Variants in PATJ observed in about 807,000 individuals in gnomAD.
PATJ encodes PATJ crumbs cell polarity complex component.
In PATJ, 190 loss-of-function variants were observed where a neutral mutation model predicts 224.9. The observed-to-expected ratio is 0.84, with a 90% CI of 0.75 to 0.95. The LOEUF is 0.95. Among genes scored for constraint, PATJ ranks in the 40% least tolerant of loss-of-function variants. PATJ has a pLI of 0.00. For synonymous variants in PATJ, 769 were observed against 820.3 expected, an observed-to-expected ratio of 0.94 and a Z score of 1.07; for missense variants, 2,121 against 2,270.3, an observed-to-expected ratio of 0.93 and a Z score of 1.34.
At chr1:61,945,269 G>A (rs1678496743) in intron 27 of PATJ, among the ~76,000 whole-genome samples, 1 of 152,116 alleles carries the variant, frequency 6.6e-6, no homozygotes, top group Admixed American at 6.5e-5. Flanking sequence ...CCAATTAAAA[G>A]ACACAGACTA....
intron 26 of PATJ, among the ~76,000 whole-genome samples, chr1:61,923,763 CAA>C (rs56041106): frequency 1.3e-5 from 2 of 150,964 alleles, no homozygotes; most frequent in African/African-American, 4.9e-5. Flanking sequence ...ACTAAAAATA[CAA>C]AAAAAAATTA....
chr1:61,950,443 T>C (rs1679477005), intron 27 of PATJ, among the ~76,000 whole-genome samples: 1 of 152,302 alleles, frequency 6.6e-6, no homozygotes, highest in South Asian at 2.1e-4. Context: ...CCAGTGCCTT[T>C]CTCTGTGTGC....
chr1:61,823,113 G>GA, intron 15 of PATJ, 34 bp downstream of exon 15: 1 of 1,611,174 alleles, frequency 6.2e-7, no homozygotes, highest in Non-Finnish European at 8.5e-7. Context: ...ACACAGGCAA[G>GA]AATCTGTAAG....
chr1:62,116,616 C>G lies in PATJ; in HGVS notation c.4740C>G (p.Ile1580Met). The G allele has an allele frequency of 6.2e-7, 1 of 1,614,020 alleles. No individual in the cohort carries two copies. Among genetic ancestry groups the G allele is most frequent in the Non-Finnish European group, 8.5e-7 (1 of 1,179,986 alleles). The change falls in exon 36 of 44, where the codon ATC (isoleucine) becomes ATG (methionine). Residue 1580 changes from isoleucine to methionine, a missense_variant. Coordinates refer to ENST00000642238, the MANE Select transcript of PATJ (RefSeq NM_001350145.3). ...LDGRLIQGDQILSVNGEDMRN... is the reference protein window; with the variant it reads ...LDGRLIQGDQMLSVNGEDMRN... ...GGAGATTGATTCAGGGAGATCAGAT[C>G]TTATCTGTGAATGGGGAGGACATGA...
intron 9 of PATJ, among the ~76,000 whole-genome samples, chr1:61,791,725 A>G (rs1213763587): frequency 3.3e-5 from 5 of 152,178 alleles, no homozygotes; most frequent in Admixed American, 2.6e-4. Context: ...TAGCTATATT[A>G]TGAACATTGT....
intron 27 of PATJ, among the ~76,000 whole-genome samples, chr1:61,957,513 T>A (rs1414700180): frequency 1.3e-5 from 2 of 152,246 alleles, no homozygotes; most frequent in Non-Finnish European, 2.9e-5. Flanking sequence ...TGTGTTCACT[T>A]CTTCAGTGGT....
At chr1:61,915,060 A>C (rs1673261465) in intron 26 of PATJ, among the ~76,000 whole-genome samples, 2 of 152,246 alleles carry the variant, frequency 1.3e-5, no homozygotes, top group African/African-American at 2.4e-5. Context: ...ATCAAAGGTC[A>C]TCTCTCCTGA....
Position 61,851,875 on chromosome 1 carries a change from G to A in PATJ, c.2113-4155G>A, listed in dbSNP as rs184764785. Among the ~76,000 whole-genome samples, 7 of 152,174 alleles carry A rather than the reference G, an allele frequency of 4.6e-5. No homozygotes were observed. In the East Asian group the frequency reaches 9.7e-4, roughly 21 times the overall value. ...ATGCCTTAGTGAGCAACTCAATGGA[G>A]GGGTGAGGGGGAGAAGGGAATGCTT... is the stretch of plus-strand genomic sequence containing the variant. On this transcript the variant is annotated intron_variant, in intron 17 of 43. Transcript: ENST00000642238.
At chr1:62,050,904 C>T in intron 30 of PATJ, 62 bp from the exon 31 acceptor site, 1 of 1,212,184 alleles carries the variant, frequency 8.2e-7, no homozygotes, top group Non-Finnish European at 1.2e-6. Flanking sequence ...AGTATCTGTA[C>T]AATTCGAGGG....
At chr1:61,882,004 G>A (rs1668168288) in intron 21 of PATJ, among the ~76,000 whole-genome samples, 1 of 152,134 alleles carries the variant, frequency 6.6e-6, no homozygotes, top group South Asian at 2.1e-4. Context: ...ATTGTTGGTT[G>A]GTGTATTAAG....
intron 27 of PATJ, among the ~76,000 whole-genome samples, chr1:61,977,990 A>G (rs529704899): frequency 5.7e-4 from 87 of 151,986 alleles, no homozygotes; most frequent in Non-Finnish European, 1.1e-3. Context: ...CACAAAGAAC[A>G]TATTCCCATG....
chr1:61,771,687 T>A, intron 6 of PATJ, 61 bp downstream of exon 6: 1 of 1,220,728 alleles, frequency 8.2e-7, no homozygotes, highest in Non-Finnish European at 1.1e-6. Flanking sequence ...GTAAGAAGTG[T>A]AAAGACATTT....
intron 4 of PATJ, among the ~76,000 whole-genome samples, chr1:61,767,359 C>A (rs1037373314): frequency 2.6e-5 from 4 of 151,766 alleles, no homozygotes; most frequent in Non-Finnish European, 5.9e-5. Flanking sequence ...TGTAGGGAGA[C>A]CCCCATCTCT....
chr1:62,119,167 TATATC>T (rs1283718421), intron 37 of PATJ, among the ~76,000 whole-genome samples: 10 of 147,676 alleles, frequency 6.8e-5, no homozygotes, highest in African/African-American at 2.2e-4. Flanking sequence ...AAACAGTAAA[TATATC>T]TTATCATCAC....
At chr1:61,894,974 A>G (rs578148474) in intron 22 of PATJ, among the ~76,000 whole-genome samples, 1 of 152,248 alleles carries the variant, frequency 6.6e-6, no homozygotes, top group South Asian at 2.1e-4. Context: ...AAGTGGAGCA[A>G]AGGTCACTCT....
At chr1:62,016,143 A>C (rs1646758827) in intron 28 of PATJ, among the ~76,000 whole-genome samples, 1 of 152,190 alleles carries the variant, frequency 6.6e-6, no homozygotes, top group South Asian at 2.1e-4. Flanking sequence ...AGGCAGAGTG[A>C]GGAGGTAGCT....
At chr1:61,918,326 T>TTTG (rs1381873360) in intron 26 of PATJ, among the ~76,000 whole-genome samples, 3 of 147,388 alleles carry the variant, frequency 2.0e-5, no homozygotes, top group African/African-American at 7.5e-5. Context: ...TTTTTTTTTT[T>TTTG]GGAGACAGTC....
At position 61,794,963 on chromosome 1, in the gene PATJ, CAA is replaced by C. The variant is rs567104814; in HGVS notation, c.1169-503_1169-502del. ...TGCCATTGCACTCCAGCCTGGGCGA[CAA>C]GAGCAAAACTCCATCTCAAAAAACA... On this transcript the variant is annotated intron_variant, in intron 9 of 43. Transcript: ENST00000642238. Among the ~76,000 whole-genome samples the C allele has an allele frequency of 5.3e-5, 8 of 152,022 alleles. No individual in the cohort carries two copies. In the East Asian group the frequency reaches 1.5e-3, roughly 29 times the overall value.
intron 26 of PATJ, among the ~76,000 whole-genome samples, chr1:61,918,448 C>T (rs1673783438): frequency 6.6e-6 from 1 of 151,328 alleles, no homozygotes. Context: ...GCTGGGATTA[C>T]AGGCATGCGC....
Sources: allele counts gnomAD v4.1 joint callset (sites outside exome capture counted in the v4.1 genomes callset), GRCh38; gene constraint gnomAD v4.1.1; transcripts MANE v1.5; gene names NCBI Gene and HGNC (gene_info 2026-07-23, HGNC 2026-07-21).